Variants in CHL1 observed in about 807,000 individuals in gnomAD.
CHL1 encodes neural cell adhesion molecule L1-like protein.
A neutral mutation model predicts 141.9 loss-of-function variants in CHL1; 96 were observed. The observed-to-expected ratio is 0.68, with a 90% CI of 0.57 to 0.80. The LOEUF is 0.80. CHL1 is among the 30% of genes least tolerant of loss of function. CHL1 has a pLI of 0.00. For missense variants in CHL1, 1,820 were observed against 1,457.2 expected (o/e 1.25, Z -4.05); for synonymous variants, 613 against 502.2 (o/e 1.22, Z -2.95).
chr3:197,618 T>G, intron 1 of CHL1: 1 of 354,152 alleles, frequency 2.8e-6, no homozygotes, highest in South Asian at 2.0e-5. Context: ...GAGAGGATTC[T>G]AGATCCCAGC....
chr3:254,436 T>G (rs1445508175), intron 2 of CHL1, among the ~76,000 whole-genome samples: 2 of 152,182 alleles, frequency 1.3e-5, no homozygotes, highest in African/African-American at 4.8e-5. Flanking sequence ...GAAGTATAGT[T>G]CCAAGGTATG....
intron 2 of CHL1, among the ~76,000 whole-genome samples, chr3:296,276 A>C (rs947543435): frequency 4.6e-5 from 7 of 152,288 alleles, no homozygotes; most frequent in Middle Eastern, 3.4e-3. Flanking sequence ...TCGTTCATCG[A>C]AATTAAGACT....
intron 2 of CHL1, among the ~76,000 whole-genome samples, chr3:302,287 T>C (rs1442262711): frequency 6.6e-6 from 1 of 152,220 alleles, no homozygotes; most frequent in Non-Finnish European, 1.5e-5. Flanking sequence ...GGTCAAATGG[T>C]ATTTCTAGTT....
At chr3:231,610 T>A (rs1574790571) in intron 1 of CHL1, among the ~76,000 whole-genome samples, 1 of 142,932 alleles carries the variant, frequency 7.0e-6, no homozygotes, top group South Asian at 2.4e-4. Flanking sequence ...TGGAGTCTCA[T>A]TCTGTCACCC....
intron 2 of CHL1, among the ~76,000 whole-genome samples, chr3:249,657 A>C (rs1010506616): frequency 3.3e-5 from 5 of 152,170 alleles, no homozygotes; most frequent in African/African-American, 1.2e-4. Flanking sequence ...AAATGCATAC[A>C]TTAAGATTCT....
intron 15 of CHL1, among the ~76,000 whole-genome samples, chr3:377,207 A>G (rs181421779): frequency 2.4e-4 from 36 of 152,332 alleles, no homozygotes; most frequent in Non-Finnish European, 4.1e-4. Flanking sequence ...AAAACAAATG[A>G]TAAAAAGTGA....
At chr3:284,412 A>G (rs1043084056) in intron 2 of CHL1, among the ~76,000 whole-genome samples, 1 of 152,214 alleles carries the variant, frequency 6.6e-6, no homozygotes, top group Non-Finnish European at 1.5e-5. Flanking sequence ...TTGCTTCTCT[A>G]CCCATATTTG....
intron 16 of CHL1, among the ~76,000 whole-genome samples, chr3:378,205 A>G (rs1004615039): frequency 5.3e-5 from 8 of 152,204 alleles, no homozygotes; most frequent in African/African-American, 1.9e-4. Context: ...CGCAGAAAGA[A>G]AAATAAAGCA....
chr3:304,918 A>G (rs928878270), intron 2 of CHL1, among the ~76,000 whole-genome samples: 3 of 151,014 alleles, frequency 2.0e-5, no homozygotes, highest in Non-Finnish European at 4.4e-5. Flanking sequence ...TTAAATGGAA[A>G]GAAGACACTC....
chr3:201,509 T>G (rs914166223), intron 1 of CHL1, among the ~76,000 whole-genome samples: 5 of 152,150 alleles, frequency 3.3e-5, no homozygotes, highest in Non-Finnish European at 7.4e-5. Flanking sequence ...AGTGTATATG[T>G]GTATGTGTGT....
At chr3:310,663 A>G (rs140976625) in intron 2 of CHL1, among the ~76,000 whole-genome samples, 113 of 152,274 alleles carry the variant, frequency 7.4e-4, no homozygotes, top group African/African-American at 2.6e-3. Context: ...GGTTCTGCAT[A>G]TGCACAGCCT....
intron 18 of CHL1, 24 bp from the exon 19 acceptor site, chr3:383,792 A>G: frequency 1.3e-6 from 2 of 1,577,564 alleles, no homozygotes; most frequent in Non-Finnish European, 1.7e-6. Flanking sequence ...AGGAAAAATA[A>G]TGTTAATGTT....
intron 2 of CHL1, among the ~76,000 whole-genome samples, chr3:299,735 C>A (rs1458098438): frequency 6.6e-6 from 1 of 152,156 alleles, no homozygotes; most frequent in Non-Finnish European, 1.5e-5. Context: ...GAAGCTTGCA[C>A]ATTGTTCTCA....
chr3:371,951 T>C (rs924286590), intron 15 of CHL1, among the ~76,000 whole-genome samples: 1 of 152,194 alleles, frequency 6.6e-6, no homozygotes, highest in Non-Finnish European at 1.5e-5. Context: ...TCTTCTGGCT[T>C]GTAGAGTTTC....
intron 4 of CHL1, among the ~76,000 whole-genome samples, chr3:326,683 T>C (rs9853130): frequency 0.05 from 7,660 of 151,834 alleles, 659 homozygotes; most frequent in African/African-American, 0.17. Flanking sequence ...AAAATGTGGA[T>C]GTATTGGAAG....
At chr3:264,103 A>C (rs1257502141) in intron 2 of CHL1, among the ~76,000 whole-genome samples, 2 of 152,154 alleles carry the variant, frequency 1.3e-5, no homozygotes, top group Non-Finnish European at 2.9e-5. Context: ...TTTAGACTTT[A>C]CTGTAAGGAT....
chr3:306,435 G>T (rs1291106055), intron 2 of CHL1, among the ~76,000 whole-genome samples: 1 of 151,916 alleles, frequency 6.6e-6, no homozygotes, highest in Non-Finnish European at 1.5e-5. Flanking sequence ...TTTTGAATTT[G>T]AATAAAAAAT....
At chr3:228,571 G>A (rs1477225117) in intron 1 of CHL1, among the ~76,000 whole-genome samples, 2 of 151,956 alleles carry the variant, frequency 1.3e-5, no homozygotes, top group Non-Finnish European at 1.5e-5. Flanking sequence ...TTCTTCTGTG[G>A]AATAATGCAG....
chr3:197,722 GC>G, intron 1 of CHL1: 2 of 449,200 alleles, frequency 4.5e-6, no homozygotes, highest in Non-Finnish European at 4.5e-6. Flanking sequence ...CCAGAGAGGG[GC>G]TAGAGCTCCA....
Sources: gnomAD v4.1 joint callset for allele counts (sites outside exome capture counted in the v4.1 genomes callset) on GRCh38, gnomAD v4.1.1 for gene constraint, MANE v1.5 for transcripts, NCBI Gene and HGNC (gene_info 2026-07-23, HGNC 2026-07-21) for gene names.